SORCS1: variants seen among roughly 807,000 people sequenced by gnomAD.
SORCS1 encodes the protein sortilin related VPS10 domain containing receptor 1.
A neutral mutation model predicts 146.1 loss-of-function variants in SORCS1; 60 were observed. That is an observed-to-expected ratio of 0.41 (90% CI 0.33 to 0.51). The LOEUF (loss-of-function observed/expected upper bound fraction) is 0.51. Among genes scored for constraint, SORCS1 ranks in the 20% least tolerant of loss-of-function variants. SORCS1 has a pLI of 0.21. For synonymous variants in SORCS1, 637 were observed against 584.0 expected (o/e 1.09, Z -1.31); for missense variants, 1,352 against 1,487.6 (o/e 0.91, Z 1.50).
At chr10:106,835,811 A>G (rs1424674193) in intron 2 of SORCS1, among the ~76,000 whole-genome samples, 1 of 151,776 alleles carries the variant, frequency 6.6e-6, no homozygotes, top group Non-Finnish European at 1.5e-5. Flanking sequence ...TTTGAGACCA[A>G]CCTGACCAAC....
intron 1 of SORCS1, among the ~76,000 whole-genome samples, chr10:107,111,923 A>T (rs1965726491): frequency 6.6e-6 from 1 of 152,196 alleles, no homozygotes; most frequent in Non-Finnish European, 1.5e-5. Context: ...AAGGTAATAT[A>T]TTCAAAATGT....
intron 2 of SORCS1, among the ~76,000 whole-genome samples, chr10:106,954,024 C>T (rs562349835): frequency 1.3e-5 from 2 of 152,282 alleles, no homozygotes; most frequent in South Asian, 4.1e-4. Flanking sequence ...ACCCTTTCCA[C>T]TAAGTTTGAA....
At chr10:107,005,795 T>A (rs1957418966) in intron 1 of SORCS1, among the ~76,000 whole-genome samples, 1 of 152,248 alleles carries the variant, frequency 6.6e-6, no homozygotes, top group Non-Finnish European at 1.5e-5. Flanking sequence ...TCACATATTT[T>A]GTGATATTAA....
chr10:107,090,303 A>G (rs889018295), intron 1 of SORCS1, among the ~76,000 whole-genome samples: 2 of 152,172 alleles, frequency 1.3e-5, no homozygotes, highest in African/African-American at 4.8e-5. Context: ...GAGAAAGGAA[A>G]ATGGAATGGG....
chr10:106,769,546 TTGTTTATAGATA>T (rs144430256), intron 4 of SORCS1, among the ~76,000 whole-genome samples: 4,381 of 151,998 alleles, frequency 0.029, 139 homozygotes, highest in East Asian at 0.14. Context: ...AGAAGATTTT[TTGTTTATAGATA>T]TGTTTATAGA....
intron 17 of SORCS1, among the ~76,000 whole-genome samples, chr10:106,660,343 A>T (rs1477965902): frequency 3.9e-5 from 6 of 151,984 alleles, no homozygotes; most frequent in Non-Finnish European, 8.8e-5. Context: ...TTGTGTAATG[A>T]TTAAATCCAT....
chr10:106,692,204 G>A (rs1483124979), intron 9 of SORCS1, among the ~76,000 whole-genome samples: 3 of 152,030 alleles, frequency 2.0e-5, no homozygotes, highest in Non-Finnish European at 4.4e-5. Flanking sequence ...ACTATGCCCA[G>A]CTAATTTTGG....
chr10:107,170,538 A>G, the SORCS1 span, among the ~76,000 whole-genome samples: 2 of 152,228 alleles, frequency 1.3e-5, no homozygotes, highest in African/African-American at 2.4e-5. Flanking sequence ...AGCCCAATTC[A>G]GTAGACTCCT....
Position 106,776,530 on chromosome 10 carries a change from T to A in SORCS1, c.885+4A>T, listed in dbSNP as rs1226619796. ...ATTGTCTCAAACAAGGTAAGTATGC[T>A]CACCTTTTGGTCTTGACTGTATGCC... On this transcript the variant is annotated splice_donor_region_variant and intron_variant, in intron 4 of 25. Transcript: ENST00000263054. 2 of 1,613,736 alleles carry A rather than the reference T, an allele frequency of 1.2e-6. No individual in the cohort carries two copies. The highest frequency in any genetic ancestry group is 1.7e-6 in the Non-Finnish European group (2 of 1,179,802).
chr10:106,793,475 A>T (rs190994107), intron 3 of SORCS1, among the ~76,000 whole-genome samples: 206 of 152,304 alleles, frequency 1.4e-3, no homozygotes, highest in Middle Eastern at 3.4e-3. Flanking sequence ...ATACATACAG[A>T]ATCAAGATTT....
intron 1 of SORCS1, among the ~76,000 whole-genome samples, chr10:106,986,422 A>G (rs1956472748): frequency 6.6e-6 from 1 of 152,114 alleles, no homozygotes; most frequent in South Asian, 2.1e-4. Flanking sequence ...ACCATAGTCA[A>G]ACTGCTAAAA....
intron 17 of SORCS1, among the ~76,000 whole-genome samples, chr10:106,657,601 G>T (rs2135328728): frequency 6.7e-6 from 1 of 150,002 alleles, no homozygotes; most frequent in South Asian, 2.1e-4. Flanking sequence ...ACTCCAAAAG[G>T]TATTGAAATA....
chr10:107,111,697 G>A (rs1473831932), intron 1 of SORCS1, among the ~76,000 whole-genome samples: 1 of 152,108 alleles, frequency 6.6e-6, no homozygotes, highest in Non-Finnish European at 1.5e-5. Context: ...GACCTTTGGA[G>A]AAATATGAGT....
chr10:106,771,286 A>G (rs1860004116), intron 4 of SORCS1, among the ~76,000 whole-genome samples: 1 of 152,164 alleles, frequency 6.6e-6, no homozygotes, highest in Middle Eastern at 3.4e-3. Context: ...AATGTTTCCC[A>G]ACACATCATG....
chr10:106,927,322 G>T (rs1030058737), intron 2 of SORCS1, among the ~76,000 whole-genome samples: 4 of 152,078 alleles, frequency 2.6e-5, no homozygotes, highest in African/African-American at 9.7e-5. Context: ...GACCTTCACA[G>T]ATGAGTGTTA....
chr10:107,130,037 C>T (rs1966850874), intron 1 of SORCS1, among the ~76,000 whole-genome samples: 1 of 152,110 alleles, frequency 6.6e-6, no homozygotes, highest in African/African-American at 2.4e-5. Flanking sequence ...TCTATATATT[C>T]TAGGGAAAAA....
At chr10:106,687,416 TA>T (rs1316155830) in intron 10 of SORCS1, among the ~76,000 whole-genome samples, 3 of 152,206 alleles carry the variant, frequency 2.0e-5, no homozygotes, top group Non-Finnish European at 4.4e-5. Context: ...CAAACCTTTG[TA>T]AAGGGCCAGA....
At chr10:106,759,196 G>A (rs1858889801) in intron 5 of SORCS1, among the ~76,000 whole-genome samples, 1 of 152,266 alleles carries the variant, frequency 6.6e-6, no homozygotes, top group East Asian at 1.9e-4. Context: ...TATGTACTTC[G>A]GTGATCTATT....
intron 5 of SORCS1, among the ~76,000 whole-genome samples, chr10:106,760,768 A>G (rs1489891066): frequency 6.6e-6 from 1 of 152,008 alleles, no homozygotes; most frequent in East Asian, 1.9e-4. Flanking sequence ...ACATTTCTAG[A>G]AAGATAATTG....
Sources: gnomAD v4.1 joint callset for allele counts (sites outside exome capture counted in the v4.1 genomes callset) on GRCh38, gnomAD v4.1.1 for gene constraint, MANE v1.5 for transcripts, NCBI Gene and HGNC (gene_info 2026-07-23, HGNC 2026-07-21) for gene names.